SYNPO2: variants seen among roughly 807,000 people sequenced by gnomAD.
SYNPO2 encodes synaptopodin-2.
A neutral mutation model predicts 85.0 loss-of-function variants in SYNPO2; 56 were observed. That is an observed-to-expected ratio of 0.66 (90% CI 0.53 to 0.82). The LOEUF is 0.82. SYNPO2 is among the 40% of genes least tolerant of loss of function. SYNPO2 has a pLI of 0.00. For synonymous variants in SYNPO2, 602 were observed against 591.1 expected, an observed-to-expected ratio of 1.02 and a Z score of -0.27; for missense variants, 1,575 against 1,534.2, an observed-to-expected ratio of 1.03 and a Z score of -0.44.
At chr4:118,957,536 A>G (rs938372613) in intron 1 of SYNPO2, among the ~76,000 whole-genome samples, 1 of 152,198 alleles carries the variant, frequency 6.6e-6, no homozygotes, top group Non-Finnish European at 1.5e-5. Flanking sequence ...ATAACCATAA[A>G]TAAAAGATTA....
At chr4:118,891,985 A>G (rs1192827221) in intron 1 of SYNPO2, among the ~76,000 whole-genome samples, 1 of 152,196 alleles carries the variant, frequency 6.6e-6, no homozygotes, top group Non-Finnish European at 1.5e-5. Flanking sequence ...TTCTATATAG[A>G]GTAAAAATCT....
At chr4:119,007,233 T>TGTATATACCTATATATATATGTATATAC (rs1468331450) in intron 1 of SYNPO2, among the ~76,000 whole-genome samples, 1 of 42,090 alleles carries the variant, frequency 2.4e-5, no homozygotes, top group African/African-American at 9.9e-5. Context: ...TATATATATA[T>TGTATATACCTATATATATATGTATATAC]ATATATATAT....
At chr4:118,984,170 A>G (rs988216747) in intron 1 of SYNPO2, among the ~76,000 whole-genome samples, 2 of 152,116 alleles carry the variant, frequency 1.3e-5, no homozygotes, top group Admixed American at 6.5e-5. Flanking sequence ...GCCATTAGCT[A>G]TTTTCCAAAA....
intron 1 of SYNPO2, among the ~76,000 whole-genome samples, chr4:118,855,519 T>C (rs1424248296): frequency 6.6e-6 from 1 of 152,174 alleles, no homozygotes; most frequent in Admixed American, 6.5e-5. Flanking sequence ...GTAGAGAGAA[T>C]ATTTTCATAT....
intron 1 of SYNPO2, among the ~76,000 whole-genome samples, chr4:118,921,343 C>A (rs1207941401): frequency 1.3e-5 from 2 of 152,196 alleles, no homozygotes; most frequent in African/African-American, 4.8e-5. Flanking sequence ...TCATTATATT[C>A]ATGATACCAT....
intron 1 of SYNPO2, among the ~76,000 whole-genome samples, chr4:118,940,057 C>T (rs916447456): frequency 2.1e-5 from 3 of 145,218 alleles, no homozygotes; most frequent in Admixed American, 1.4e-4. Context: ...GCAATCTTGG[C>T]TCACTGCAAC....
intron 1 of SYNPO2, among the ~76,000 whole-genome samples, chr4:118,925,528 G>C (rs1027579863): frequency 6.6e-6 from 1 of 151,986 alleles, no homozygotes; most frequent in Non-Finnish European, 1.5e-5. Context: ...TGTGATCTTT[G>C]TCATTGTTTC....
chr4:119,034,471 A>G, intron 4 of SYNPO2: 7 of 985,452 alleles, frequency 7.1e-6, no homozygotes, highest in Non-Finnish European at 8.4e-6. Context: ...TAAAGATGCA[A>G]ATAACATGAC....
intron 1 of SYNPO2, among the ~76,000 whole-genome samples, chr4:118,973,317 T>G (rs557593841): frequency 7.2e-5 from 11 of 152,212 alleles, no homozygotes; most frequent in East Asian, 1.9e-4. Flanking sequence ...GTAGTTTTAT[T>G]ATACATATAT....
intron 1 of SYNPO2, among the ~76,000 whole-genome samples, chr4:118,909,355 T>C (rs966127122): frequency 6.6e-6 from 1 of 152,094 alleles, no homozygotes; most frequent in Non-Finnish European, 1.5e-5. Context: ...AAGATGTCCC[T>C]GGGGGTATTG....
intron 4 of SYNPO2, chr4:119,035,329 T>TC: frequency 1.0e-6 from 1 of 985,422 alleles, no homozygotes; most frequent in Non-Finnish European, 1.2e-6. Flanking sequence ...TACAGCATAT[T>TC]CCCCTCAGTC....
intron 1 of SYNPO2, among the ~76,000 whole-genome samples, chr4:118,892,030 G>A (rs1234088248): frequency 6.6e-6 from 1 of 152,040 alleles, no homozygotes; most frequent in Non-Finnish European, 1.5e-5. Flanking sequence ...ACAGTCTAAT[G>A]TTATTAAGAA....
chr4:118,943,012 C>A (rs1734370246), intron 1 of SYNPO2, among the ~76,000 whole-genome samples: 1 of 151,662 alleles, frequency 6.6e-6, no homozygotes, highest in Non-Finnish European at 1.5e-5. Flanking sequence ...GAGGCTGAGG[C>A]AGGAGAATCT....
intron 4 of SYNPO2, among the ~76,000 whole-genome samples, chr4:119,051,196 T>TTTTTG (rs1739029782): frequency 7.2e-6 from 1 of 138,092 alleles, no homozygotes; most frequent in East Asian, 2.1e-4. Flanking sequence ...ATTTTTTTTT[T>TTTTTG]TTTTTTTTTT....
At chr4:118,940,695 C>G (rs146560448) in intron 1 of SYNPO2, among the ~76,000 whole-genome samples, 4 of 152,222 alleles carry the variant, frequency 2.6e-5, no homozygotes, top group Middle Eastern at 6.8e-3. Flanking sequence ...AGAAGCAATG[C>G]TTGGGGCTGA....
chr4:119,033,638 C>G lies in SYNPO2; in HGVS notation c.3252+1611C>G, dbSNP rs1738376194. On this transcript the variant is annotated intron_variant, in intron 4 of 4. Coordinates refer to ENST00000307142, the MANE Select transcript of SYNPO2 (RefSeq NM_133477.3). ...TGAGGGTACACAGTACCATTTTAATCTTCTGAAAATATCTGTATTCCTGCT... is the reference window on the plus strand; with the variant it reads ...TGAGGGTACACAGTACCATTTTAATGTTCTGAAAATATCTGTATTCCTGCT... 3.0e-6 allele frequency: 3 copies of G among 985,286 alleles called. No homozygotes were observed. In the South Asian group the frequency reaches 1.4e-4, roughly 46 times the overall value. The allele number at this position is 985,286 out of a possible 1,614,324, so 61.0% of individuals were successfully genotyped here. A position where few individuals can be genotyped will look rare whatever the true frequency, so the allele number is the denominator to read the frequency against.
intron 1 of SYNPO2, among the ~76,000 whole-genome samples, chr4:119,004,993 T>C (rs1235528490): frequency 6.6e-6 from 1 of 152,152 alleles, no homozygotes; most frequent in Non-Finnish European, 1.5e-5. Context: ...ATGAGCATTT[T>C]TTCATGTGTT....
chr4:118,988,723 C>G (rs892780158), intron 1 of SYNPO2, among the ~76,000 whole-genome samples: 7 of 152,102 alleles, frequency 4.6e-5, no homozygotes, highest in African/African-American at 1.7e-4. Flanking sequence ...TCCTGTGTGC[C>G]CTTTTCTCTG....
At chr4:118,855,182 T>C (rs1010483045) in intron 1 of SYNPO2, among the ~76,000 whole-genome samples, 4 of 152,006 alleles carry the variant, frequency 2.6e-5, no homozygotes, top group Admixed American at 2.6e-4. Flanking sequence ...AAATTTGACT[T>C]TGAAATTTGA....
Sources: allele counts gnomAD v4.1 joint callset (sites outside exome capture counted in the v4.1 genomes callset), GRCh38; gene constraint gnomAD v4.1.1; transcripts MANE v1.5; gene names NCBI Gene and HGNC (gene_info 2026-07-23, HGNC 2026-07-21).